Variants in GOLGB1 observed in about 807,000 individuals in gnomAD.
The protein encoded by GOLGB1 is golgin subfamily B member 1.
In GOLGB1, 174 loss-of-function variants were observed where a neutral mutation model predicts 336.9. That is an observed-to-expected ratio of 0.52 (90% CI 0.46 to 0.59). GOLGB1 has a LOEUF of 0.59. Ranked by LOEUF, GOLGB1 falls within the 20% of genes least tolerant of loss-of-function variation. The pLI is 0.00. For synonymous variants in GOLGB1, 1,208 were observed against 1,289.2 expected (o/e 0.94, Z 1.35); for missense variants, 3,331 against 3,645.3 (o/e 0.91, Z 2.22).
chr3:121,674,454 T>C (rs1204153000), intron 17 of GOLGB1, among the ~76,000 whole-genome samples: 3 of 152,250 alleles, frequency 2.0e-5, no homozygotes, highest in African/African-American at 7.2e-5. Context: ...AAATGCTATA[T>C]AAATAGTTGT....
At chr3:121,746,474 T>C (rs1266774308) in intron 1 of GOLGB1, among the ~76,000 whole-genome samples, 3 of 151,892 alleles carry the variant, frequency 2.0e-5, no homozygotes, top group East Asian at 3.9e-4. Context: ...TATTTATTTA[T>C]TTATTTATTT....
intron 17 of GOLGB1, among the ~76,000 whole-genome samples, chr3:121,670,835 G>C (rs1576262159): frequency 6.6e-6 from 1 of 151,876 alleles, no homozygotes; most frequent in African/African-American, 2.4e-5. Flanking sequence ...TTTGAAGACA[G>C]TTAACTGGGT....
rs1453239235 is a variant in GOLGB1, at chr3:121,695,975, A to T, written c.4548T>A (p.Gly1516=). The change falls in exon 13 of 22, where the codon GGT becomes GGA. Residue 1516 remains glycine (G), a synonymous_variant. Coordinates refer to ENST00000614479, the MANE Select transcript of GOLGB1 (RefSeq NM_001366282.2). ...GAGACTTGGTGAGACGTTCAATGGT[A>T]CCTCTGGCCAAAGACAATTCCTCTT... is the stretch of plus-strand genomic sequence containing the variant. ...SLQEELSLAR[G]TIERLTKSLA... 5 of 1,613,772 alleles carry T rather than the reference A, an allele frequency of 3.1e-6. No homozygotes were observed. The highest frequency in any genetic ancestry group is 3.4e-6 in the Non-Finnish European group (4 of 1,179,870).
In GOLGB1 at chr3:121,697,030, G is replaced by T; in HGVS notation, c.3493C>A (p.Pro1165Thr). The T allele has an allele frequency of 6.2e-7, 1 of 1,613,932 alleles. No homozygotes were observed. Among genetic ancestry groups the T allele is most frequent in the Non-Finnish European group, 8.5e-7 (1 of 1,179,938 alleles). ...GCCAGTATCTTTTCTTCTAGTTCTG[G>T]TTTCCAGTGTTCACTACTACCTGTA... The part of the protein sequence containing the change: ...PCTGSSEHWK[P>T]ELEEKILALE... The change falls in exon 13 of 22, where the codon CCA (proline) becomes ACA (threonine). Residue 1165 changes from proline (P) to threonine (T), a missense_variant. Transcript: ENST00000614479.
intron 4 of GOLGB1, among the ~76,000 whole-genome samples, chr3:121,727,289 CACACATATATAT>C (rs1181718888): frequency 2.0e-4 from 9 of 44,352 alleles, no homozygotes; most frequent in Admixed American, 4.1e-4. Context: ...CATACACACA[CACACATATATAT>C]ATATATATAT....
chr3:121,727,690 G>T (rs1322016296), intron 4 of GOLGB1, among the ~76,000 whole-genome samples: 1 of 151,698 alleles, frequency 6.6e-6, no homozygotes, highest in African/African-American at 2.4e-5. Context: ...TTTTCCAAAA[G>T]CTCTCCCTTA....
At chr3:121,707,239 A>AT (rs1943954841) in intron 10 of GOLGB1, among the ~76,000 whole-genome samples, 1 of 151,128 alleles carries the variant, frequency 6.6e-6, no homozygotes, top group Non-Finnish European at 1.5e-5. Context: ...AAAAAAAAAA[A>AT]AAACAAAAAT....
chr3:121,742,718 A>C (rs1001082217), intron 1 of GOLGB1, among the ~76,000 whole-genome samples: 2 of 152,228 alleles, frequency 1.3e-5, no homozygotes, highest in African/African-American at 4.8e-5. Flanking sequence ...CAAACTACCC[A>C]TCTGACAAAG....
intron 18 of GOLGB1, 161 bp from the exon 19 acceptor site, chr3:121,668,319 TA>T (rs1242197374): frequency 1.2e-5 from 6 of 491,656 alleles, no homozygotes; most frequent in African/African-American, 1.2e-4. Context: ...CTCACCTACA[TA>T]AAACTCTTGT....
In GOLGB1 at chr3:121,727,025, G is replaced by C. The variant is rs148204538; in HGVS notation, c.419C>G (p.Thr140Arg). The C allele has an allele frequency of 6.3e-7, 1 of 1,575,890 alleles. No homozygotes were observed. The highest frequency in any genetic ancestry group is 1.4e-5 in the African/African-American group (1 of 73,756). ...CTTTTCTATTTCCATCTCTTCCTCT[G>C]TAGAACTCTTGTCATGCTGAAAATG... ...EQLSKHDKSS[T>R]EEEMEIEKIK... The change falls in exon 5 of 22, where the codon ACA becomes AGA. Residue 140 changes from threonine to arginine, a missense_variant. Coordinates refer to ENST00000614479, the MANE Select transcript of GOLGB1 (RefSeq NM_001366282.2).
chr3:121,691,530 A>C lies in GOLGB1; in HGVS notation c.7834T>G (p.Leu2612Val). ...GTTAGCTGGGATATAGATACTTTCA[A>C]ACTCTCAATCTCTTTAGATAAATCT... ...KQDLSKEIES[L>V]KVSISQLTRQ... The change falls in exon 14 of 22, where the codon TTG (leucine) becomes GTG (valine). Residue 2612 changes from leucine (L) to valine (V), a missense_variant. Physicochemically the swap from Leu to Val is conservative, Grantham distance 32. Coordinates refer to ENST00000614479, the MANE Select transcript of GOLGB1 (RefSeq NM_001366282.2). 1 of 1,612,558 alleles carries C rather than the reference A, an allele frequency of 6.2e-7. No individual in the cohort carries two copies. The highest frequency in any genetic ancestry group is 8.5e-7 in the Non-Finnish European group (1 of 1,179,628).
chr3:121,682,528 C>T (rs1428623465), intron 14 of GOLGB1, among the ~76,000 whole-genome samples: 2 of 152,214 alleles, frequency 1.3e-5, no homozygotes, highest in South Asian at 2.1e-4. Flanking sequence ...CAAATTAATG[C>T]ACTTCACACA....
chr3:121,722,718 C>CACAAGA, intron 5 of GOLGB1, among the ~76,000 whole-genome samples: 1 of 152,070 alleles, frequency 6.6e-6, no homozygotes, highest in African/African-American at 2.4e-5. Context: ...CACCAAAACC[C>CACAAGA]ACAAGAACTA....
In GOLGB1 at chr3:121,692,562, T is replaced by C. The variant is rs1342270609; in HGVS notation, c.6802A>G (p.Ile2268Val). Residue 2268 changes from isoleucine to valine, a missense_variant, in exon 14 of 22, where the codon ATT becomes GTT. Physicochemically the swap from Ile to Val is conservative, Grantham distance 29. Coordinates refer to ENST00000614479, the MANE Select transcript of GOLGB1 (RefSeq NM_001366282.2). ...NISRLEHDKQ[I>V]WESKAQTEVQ... ...TCTGTCTGGGCCTTGGACTCCCAAA[T>C]CTGCTTGTCATGTTCAAGCCTGAAA... 6.3e-7 allele frequency: 1 copy of C among 1,584,482 alleles called. No homozygotes were observed. Among genetic ancestry groups the C allele is most frequent in the Non-Finnish European group, 8.5e-7 (1 of 1,170,108 alleles).
Position 121,698,654 on chromosome 3 carries a change from T to C in GOLGB1, c.1869A>G (p.Thr623=). ...TTGGCATTAAGGGAAAATCTTGCCC[T>C]GTATCTTCAAGAAATACTTTCATTT... ...PIKMKVFLED[T]GQDFPLMPNE... Residue 623 remains threonine, a synonymous_variant, in exon 13 of 22, where the codon ACA becomes ACG. Coordinates refer to ENST00000614479, the MANE Select transcript of GOLGB1 (RefSeq NM_001366282.2). The C allele has an allele frequency of 6.2e-7, 1 of 1,613,906 alleles. No homozygotes were observed. The highest frequency in any genetic ancestry group is 8.5e-7 in the Non-Finnish European group (1 of 1,179,828).
intron 14 of GOLGB1, among the ~76,000 whole-genome samples, chr3:121,684,550 A>C (rs941241976): frequency 6.6e-6 from 1 of 152,226 alleles, no homozygotes; most frequent in Non-Finnish European, 1.5e-5. Context: ...GGTGAGGGGA[A>C]GGGAAGTGAG....
In GOLGB1 at chr3:121,697,125, C is replaced by T. The variant is rs1308310557; in HGVS notation, c.3398G>A (p.Ser1133Asn). Residue 1133 changes from serine (S) to asparagine (N), a missense_variant, in exon 13 of 22, where the codon AGT (serine) becomes AAT (asparagine). Physicochemically the swap from Ser to Asn is conservative, Grantham distance 46. Transcript: ENST00000614479. ...NQAIIQKLIT[S>N]NTDASDGDSV... ...GTCCCCATCACTTGCATCCGTGTTA[C>T]TTGTGATTAACTTCTGGATAATTGC... is the stretch of plus-strand genomic sequence containing the variant. 6 of 1,614,102 alleles carry T rather than the reference C, an allele frequency of 3.7e-6. No homozygotes were observed. The highest frequency in any genetic ancestry group is 1.7e-5 in the Admixed American group (1 of 60,014).
intron 10 of GOLGB1, among the ~76,000 whole-genome samples, chr3:121,714,006 C>T (rs144456347): frequency 4.5e-4 from 68 of 152,228 alleles, no homozygotes; most frequent in South Asian, 2.7e-3. Context: ...TACAGATGTT[C>T]GCTACAAAAC....
At chr3:121,715,369 ATTT>A (rs373634444) in intron 9 of GOLGB1, among the ~76,000 whole-genome samples, 4 of 128,582 alleles carry the variant, frequency 3.1e-5, no homozygotes, top group Non-Finnish European at 1.6e-5. Flanking sequence ...TGCCTGGCTA[ATTT>A]TTTTTTTTTT....
Sources: allele counts gnomAD v4.1 joint callset (sites outside exome capture counted in the v4.1 genomes callset), GRCh38; gene constraint gnomAD v4.1.1; transcripts MANE v1.5; gene names NCBI Gene and HGNC (gene_info 2026-07-23, HGNC 2026-07-21).